PCSK6: variants seen among roughly 807,000 people sequenced by gnomAD.
PCSK6 encodes the protein proprotein convertase subtilisin/kexin type 6, also known as paired basic amino acid cleaving enzyme 4.
In PCSK6, 85 loss-of-function variants were observed where a neutral mutation model predicts 123.3. The ratio of observed to expected loss-of-function variants is 0.69; its 90% CI spans 0.58 to 0.83. The LOEUF (loss-of-function observed/expected upper bound fraction) is 0.83. Ranked by LOEUF, PCSK6 falls within the 40% of genes least tolerant of loss-of-function variation. The pLI, the probability that PCSK6 is intolerant of heterozygous loss-of-function variation, is 0.00. For synonymous variants in PCSK6, 508 were observed against 516.0 expected (o/e 0.98, Z 0.21); for missense variants, 1,191 against 1,282.3 (o/e 0.93, Z 1.09).
At chr15:101,458,467 C>T (rs958896327) in intron 1 of PCSK6, among the ~76,000 whole-genome samples, 5 of 152,188 alleles carry the variant, frequency 3.3e-5, no homozygotes, top group African/African-American at 1.2e-4. Context: ...TGGACCCCCA[C>T]AGGACCCGGC....
intron 13 of PCSK6, among the ~76,000 whole-genome samples, chr15:101,358,804 A>G (rs1227856975): frequency 1.3e-5 from 2 of 151,568 alleles, no homozygotes; most frequent in African/African-American, 4.9e-5. Context: ...TCACTCCATC[A>G]CTCCCTTCCC....
At chr15:101,347,606 A>G (rs2040768806) in intron 13 of PCSK6, 1 of 1,512,604 alleles carries the variant, frequency 6.6e-7, no homozygotes, top group African/African-American at 1.4e-5. Flanking sequence ...GCCATGTCCA[A>G]AGTGCTGAGC....
intron 6 of PCSK6, among the ~76,000 whole-genome samples, chr15:101,414,434 T>C (rs1296810815): frequency 1.3e-5 from 2 of 152,216 alleles, no homozygotes. Context: ...CAATTGTTGA[T>C]GCATGATGTA....
intron 6 of PCSK6, among the ~76,000 whole-genome samples, chr15:101,399,468 A>G (rs1490656199): frequency 6.6e-6 from 1 of 152,132 alleles, no homozygotes; most frequent in Non-Finnish European, 1.5e-5. Context: ...TGGAGAGTCC[A>G]GCTTCCTCGA....
intron 6 of PCSK6, among the ~76,000 whole-genome samples, chr15:101,422,843 A>T (rs28540704): frequency 4.0e-5 from 6 of 151,774 alleles, no homozygotes; most frequent in African/African-American, 1.5e-4. Context: ...GGATGGTCTC[A>T]ATCTCCTGAT....
At chr15:101,387,405 T>C (rs112484559) in intron 9 of PCSK6, among the ~76,000 whole-genome samples, 14 of 152,334 alleles carry the variant, frequency 9.2e-5, no homozygotes, top group African/African-American at 3.4e-4. Context: ...CCAGTCCTCC[T>C]GGAAATCTTG....
chr15:101,455,194 C>T (rs76406436), intron 1 of PCSK6, among the ~76,000 whole-genome samples: 3,081 of 152,226 alleles, frequency 0.02, 80 homozygotes, highest in African/African-American at 0.062. Flanking sequence ...GCATTCTGTC[C>T]CCACCTTTCC....
intron 1 of PCSK6, among the ~76,000 whole-genome samples, chr15:101,454,196 G>A (rs922903429): frequency 7.2e-5 from 11 of 152,248 alleles, no homozygotes; most frequent in Non-Finnish European, 1.3e-4. Context: ...CATCACTTGA[G>A]AGCAAGTTAT....
chr15:101,321,705 C>A (rs776161236), intron 18 of PCSK6, among the ~76,000 whole-genome samples: 3 of 152,244 alleles, frequency 2.0e-5, no homozygotes, highest in Non-Finnish European at 4.4e-5. Context: ...AAAAGCAGCT[C>A]CCTGCCTGGA....
intron 20 of PCSK6, 54 bp from the exon 21 acceptor site, chr15:101,307,379 G>A (rs1218057413): frequency 1.3e-5 from 18 of 1,351,858 alleles, no homozygotes; most frequent in East Asian, 4.9e-5. Context: ...CCACCACTCC[G>A]GGCTCCCTTC....
intron 10 of PCSK6, among the ~76,000 whole-genome samples, chr15:101,382,544 A>T (rs1406062830): frequency 6.6e-6 from 1 of 152,194 alleles, no homozygotes; most frequent in East Asian, 1.9e-4. Context: ...GCTTGTCAGC[A>T]TCTATGCTCC....
In PCSK6 at chr15:101,331,635, T is replaced by C; in HGVS notation, c.2077+16A>G. On this transcript the variant is annotated intron_variant, in intron 15 of 21. Coordinates refer to ENST00000611716, the MANE Select transcript of PCSK6 (RefSeq NM_002570.5). ...GGGAAGGTTGGAAAATACTTACTGG[T>C]TTGAAGCATACTTACTGGTCTGTAA... is the stretch of plus-strand genomic sequence containing the variant. 6.2e-7 allele frequency: 1 copy of C among 1,612,326 alleles called. No individual in the cohort carries two copies. The highest frequency in any genetic ancestry group is 8.5e-7 in the Non-Finnish European group (1 of 1,178,734).
intron 1 of PCSK6, among the ~76,000 whole-genome samples, chr15:101,482,777 G>GTCCTGATTCTGAGTCTGC (rs66865351): frequency 5.3e-5 from 8 of 151,992 alleles, no homozygotes; most frequent in African/African-American, 1.9e-4. Context: ...CACCTGCTCA[G>GTCCTGATTCTGAGTCTGC]TCCTGATTCT....
chr15:101,350,345 A>G (rs919079804), intron 13 of PCSK6, among the ~76,000 whole-genome samples: 3 of 152,184 alleles, frequency 2.0e-5, no homozygotes, highest in South Asian at 2.1e-4. Flanking sequence ...AGTGATCTGT[A>G]AGCACTCTAC....
intron 13 of PCSK6, chr15:101,336,676 T>C (rs548004738): frequency 8.9e-4 from 135 of 152,344 alleles, no homozygotes; most frequent in African/African-American, 2.9e-3. Context: ...CTAAGATGCA[T>C]AGAAGCAGAT....
chr15:101,359,095 C>T (rs567703781), intron 13 of PCSK6, among the ~76,000 whole-genome samples: 2 of 152,286 alleles, frequency 1.3e-5, no homozygotes, highest in East Asian at 1.9e-4. Flanking sequence ...TGTGGCAGGA[C>T]GCATGCCTGT....
intron 2 of PCSK6, among the ~76,000 whole-genome samples, chr15:101,434,036 C>A: frequency 6.6e-6 from 1 of 152,274 alleles, no homozygotes; most frequent in Middle Eastern, 3.4e-3. Flanking sequence ...TTATAATGGC[C>A]GCTGACAGAT....
intron 1 of PCSK6, among the ~76,000 whole-genome samples, chr15:101,444,203 G>A (rs964238815): frequency 1.3e-5 from 2 of 152,250 alleles, no homozygotes; most frequent in Middle Eastern, 3.4e-3. Context: ...CTAAACCTCC[G>A]AGGTGTCCCA....
chr15:101,392,399 G>A (rs1202099989), intron 8 of PCSK6, among the ~76,000 whole-genome samples: 1 of 152,202 alleles, frequency 6.6e-6, no homozygotes, highest in Non-Finnish European at 1.5e-5. Context: ...CCACAGAAAA[G>A]TGTAAAAATA....
Sources: gnomAD v4.1 joint callset for allele counts (sites outside exome capture counted in the v4.1 genomes callset) on GRCh38, gnomAD v4.1.1 for gene constraint, MANE v1.5 for transcripts, NCBI Gene and HGNC (gene_info 2026-07-23, HGNC 2026-07-21) for gene names.